ITGAM: variants seen among roughly 807,000 people sequenced by gnomAD.
ITGAM encodes the protein integrin alpha-M.
A neutral mutation model predicts 137.5 loss-of-function variants in ITGAM; 79 were observed. The ratio of observed to expected loss-of-function variants is 0.57; its 90% CI spans 0.48 to 0.69. The LOEUF (loss-of-function observed/expected upper bound fraction) is 0.69. Among genes scored for constraint, ITGAM ranks in the 30% least tolerant of loss-of-function variants. ITGAM has a pLI of 0.00. For synonymous variants in ITGAM, 583 were observed against 592.3 expected, an observed-to-expected ratio of 0.98 and a Z score of 0.23; for missense variants, 1,343 against 1,483.5, an observed-to-expected ratio of 0.91 and a Z score of 1.56.
chr16:31,327,405 A>G (rs2144499712), intron 22 of ITGAM, among the ~76,000 whole-genome samples: 1 of 148,692 alleles, frequency 6.7e-6, no homozygotes, highest in African/African-American at 2.5e-5. Context: ...TGGACAACAT[A>G]TCAATACCCT....
chr16:31,328,272 C>A, intron 23 of ITGAM, 42 bp downstream of exon 23: 3 of 1,427,036 alleles, frequency 2.1e-6, no homozygotes, highest in Non-Finnish European at 2.0e-6. Flanking sequence ...CACTTCTGGG[C>A]TGGACATGGC....
At chr16:31,273,617 T>C (rs1047884033) in intron 8 of ITGAM, 99 bp downstream of exon 8, 45 of 1,179,204 alleles carry the variant, frequency 3.8e-5, no homozygotes, top group African/African-American at 4.5e-5. Flanking sequence ...CAAAGTGACA[T>C]GAGAGCTAAT....
intron 5 of ITGAM, among the ~76,000 whole-genome samples, chr16:31,270,697 G>GTGTGTA (rs1197721538): frequency 2.6e-4 from 5 of 19,356 alleles, no homozygotes; most frequent in Admixed American, 6.5e-4. Context: ...ACGTGTGTGT[G>GTGTGTA]TGTATATATA....
At chr16:31,302,910 T>C (rs906548845) in intron 14 of ITGAM, among the ~76,000 whole-genome samples, 5 of 146,416 alleles carry the variant, frequency 3.4e-5, no homozygotes, top group Admixed American at 2.0e-4. Flanking sequence ...CTCTCTCTCT[T>C]TCCCTCCCTC....
intron 12 of ITGAM, among the ~76,000 whole-genome samples, chr16:31,295,712 A>G (rs2080126215): frequency 6.6e-6 from 1 of 151,572 alleles, no homozygotes; most frequent in Non-Finnish European, 1.5e-5. Flanking sequence ...TCTTTCATTT[A>G]TTTTTCTTGC....
At chr16:31,306,449 A>T (rs974837248) in intron 14 of ITGAM, among the ~76,000 whole-genome samples, 1 of 152,172 alleles carries the variant, frequency 6.6e-6, no homozygotes, top group Non-Finnish European at 1.5e-5. Context: ...ATCAGTGCAG[A>T]CATATAACAC....
chr16:31,327,077 C>G (rs946722196), intron 22 of ITGAM, 142 bp downstream of exon 22: 9 of 738,936 alleles, frequency 1.2e-5, no homozygotes, highest in South Asian at 2.9e-5. Context: ...GACCACCCAC[C>G]ACGTGCTGGG....
At chr16:31,289,640 A>C (rs2144355693) in intron 12 of ITGAM, among the ~76,000 whole-genome samples, 1 of 152,326 alleles carries the variant, frequency 6.6e-6, no homozygotes, top group East Asian at 1.9e-4. Context: ...AAGCATTAGG[A>C]GATATACCTA....
At chr16:31,273,668 C>G in intron 8 of ITGAM, 150 bp downstream of exon 8, 1 of 724,946 alleles carries the variant, frequency 1.4e-6, no homozygotes, top group Non-Finnish European at 2.2e-6. Flanking sequence ...GTTGCCACAT[C>G]AATGCTGTGT....
rs773733774 is a variant in ITGAM, at chr16:31,260,016, G to A, written c.-49G>A. The A allele has an allele frequency of 2.6e-6, 4 of 1,529,676 alleles. No homozygotes were observed. The highest frequency in any genetic ancestry group is 2.4e-5 in the South Asian group (2 of 84,600). 94.8% of individuals were successfully genotyped at this position (1,529,676 alleles called of 1,614,324 possible). A position where few individuals can be genotyped will look rare whatever the true frequency, so the allele number is the denominator to read the frequency against. On this transcript the variant is annotated 5_prime_UTR_variant, in exon 1 of 30. Coordinates refer to ENST00000544665, the MANE Select transcript of ITGAM (RefSeq NM_000632.4). ...GGCTTCCTTGTGGTTCCTCAGTGGT[G>A]CCTGCAACCCCTGGTTCACCTCCTT...
intron 14 of ITGAM, among the ~76,000 whole-genome samples, chr16:31,303,682 T>C (rs2144408528): frequency 6.6e-6 from 1 of 152,282 alleles, no homozygotes; most frequent in South Asian, 2.1e-4. Context: ...TAGCTCCCAC[T>C]TATAAATGAA....
Position 31,297,532 on chromosome 16 carries a change from G to T in ITGAM, c.1375G>T (p.Ala459Ser). 1 of 1,612,060 alleles carries T rather than the reference G, an allele frequency of 6.2e-7. No homozygotes were observed. Among genetic ancestry groups the T allele is most frequent in the East Asian group, 2.2e-5 (1 of 44,888 alleles). Reference protein sequence around the residue: ...KGTQIGAYFGASLCSVDVDSN... With the variant: ...KGTQIGAYFGSSLCSVDVDSN... The stretch of plus-strand genomic sequence containing the variant: ...CTTTCAGATCGGCGCCTACTTCGGG[G>T]CCTCCCTCTGCTCCGTGGACGTGGA... The change falls in exon 13 of 30, where the codon GCC (alanine) becomes TCC (serine). Residue 459 changes from alanine (A) to serine (S), a missense_variant. Physicochemically the swap from Ala to Ser is moderately conservative, Grantham distance 99. Coordinates refer to ENST00000544665, the MANE Select transcript of ITGAM (RefSeq NM_000632.4).
At chr16:31,262,393 TTC>T in intron 2 of ITGAM, among the ~76,000 whole-genome samples, 1 of 137,696 alleles carries the variant, frequency 7.3e-6, no homozygotes, top group African/African-American at 2.7e-5. Context: ...CCTTCCTTCC[TTC>T]CTTCCTTCAT....
At chr16:31,308,599 C>T (rs1319653605) in intron 14 of ITGAM, among the ~76,000 whole-genome samples, 1 of 151,814 alleles carries the variant, frequency 6.6e-6, no homozygotes, top group African/African-American at 2.4e-5. Context: ...TTCAAAAAAA[C>T]CAGCTCCTGG....
chr16:31,262,344 C>T (rs1483829837), intron 2 of ITGAM, among the ~76,000 whole-genome samples: 1 of 37,188 alleles, frequency 2.7e-5, no homozygotes, highest in African/African-American at 1.0e-4. Flanking sequence ...TCCATCCTTC[C>T]TTCCTTCCTT....
chr16:31,264,899 GC>G (rs1432129765), intron 2 of ITGAM, among the ~76,000 whole-genome samples: 1 of 152,030 alleles, frequency 6.6e-6, no homozygotes, highest in East Asian at 1.9e-4. Flanking sequence ...ACAGAGTCTT[GC>G]CCTGTCTCTC....
At chr16:31,307,406 G>A (rs2080276360) in intron 14 of ITGAM, among the ~76,000 whole-genome samples, 1 of 152,152 alleles carries the variant, frequency 6.6e-6, no homozygotes, top group South Asian at 2.1e-4. Context: ...TCTCTTTGAA[G>A]CAATTGTGAA....
At chr16:31,329,667 CACTCT>C in intron 24 of ITGAM, 126 bp from the exon 25 acceptor site, 1 of 699,184 alleles carries the variant, frequency 1.4e-6, no homozygotes, top group Non-Finnish European at 2.4e-6. Flanking sequence ...ATTACATGTA[CACTCT>C]ACTCTCTCAA....
At chr16:31,289,898 A>G (rs901556468) in intron 12 of ITGAM, among the ~76,000 whole-genome samples, 1 of 152,072 alleles carries the variant, frequency 6.6e-6, no homozygotes, top group Non-Finnish European at 1.5e-5. Context: ...CCTGACCAAC[A>G]TGGAGAAACC....
Sources: gnomAD v4.1 joint callset for allele counts (sites outside exome capture counted in the v4.1 genomes callset) on GRCh38, gnomAD v4.1.1 for gene constraint, MANE v1.5 for transcripts, NCBI Gene and HGNC (gene_info 2026-07-23, HGNC 2026-07-21) for gene names.